CDH20: variants seen among roughly 807,000 people sequenced by gnomAD.
CDH20 encodes cadherin-20.
CDH20 carries 29 observed loss-of-function variants against 74.2 expected under a neutral mutation model. That is an observed-to-expected ratio of 0.39 (90% CI 0.29 to 0.53). The LOEUF (loss-of-function observed/expected upper bound fraction) is 0.53, where lower values mean the gene tolerates loss of function less well. Among genes scored for constraint, CDH20 ranks in the 20% least tolerant of loss-of-function variants. The probability of loss-of-function intolerance (pLI) is 0.69; values close to 1 mark genes in which losing one functional copy is unlikely to be tolerated. For synonymous variants in CDH20, 469 were observed against 405.4 expected, an observed-to-expected ratio of 1.16 and a Z score of -1.88; for missense variants, 988 against 1,048.3, an observed-to-expected ratio of 0.94 and a Z score of 0.79.
At chr18:61,545,461 G>A (rs1329956207) in intron 10 of CDH20, among the ~76,000 whole-genome samples, 1 of 151,898 alleles carries the variant, frequency 6.6e-6, no homozygotes, top group East Asian at 1.9e-4. Context: ...AGAACCCTTT[G>A]CCAACTCTAA....
chr18:61,354,108 C>T (rs1910409930), intron 1 of CDH20, among the ~76,000 whole-genome samples: 1 of 151,970 alleles, frequency 6.6e-6, no homozygotes, highest in African/African-American at 2.4e-5. Context: ...TCTCATGAGC[C>T]ACATTTCCAG....
intron 6 of CDH20, among the ~76,000 whole-genome samples, chr18:61,524,051 A>G (rs1912302375): frequency 1.3e-5 from 2 of 151,920 alleles, no homozygotes; most frequent in African/African-American, 4.8e-5. Flanking sequence ...CCCAGGATTT[A>G]AAGTATAATA....
chr18:61,523,896 G>A (rs150706201), intron 6 of CDH20, among the ~76,000 whole-genome samples: 291 of 152,084 alleles, frequency 1.9e-3, no homozygotes, highest in Non-Finnish European at 3.1e-3. Context: ...GGAATATCAC[G>A]CACCAGGGCC....
intron 1 of CDH20, among the ~76,000 whole-genome samples, chr18:61,346,864 C>A (rs79532275): frequency 7.7e-4 from 117 of 152,134 alleles, no homozygotes; most frequent in African/African-American, 2.7e-3. Flanking sequence ...GAAGTCCAGG[C>A]GCCCAAGCTT....
At chr18:61,432,244 CAA>C (rs552208549) in intron 1 of CDH20, among the ~76,000 whole-genome samples, 851 of 81,726 alleles carry the variant, frequency 0.01, 5 homozygotes, top group African/African-American at 0.033. Flanking sequence ...AACTCTATCT[CAA>C]AAAAAAAAAA....
intron 1 of CDH20, among the ~76,000 whole-genome samples, chr18:61,437,909 T>C (rs966278363): frequency 2.6e-5 from 4 of 152,176 alleles, no homozygotes; most frequent in Non-Finnish European, 5.9e-5. Context: ...AAATGATTAA[T>C]ACAGGGAATC....
At chr18:61,428,924 A>C (rs902378221) in intron 1 of CDH20, among the ~76,000 whole-genome samples, 6 of 152,180 alleles carry the variant, frequency 3.9e-5, no homozygotes, top group Non-Finnish European at 7.3e-5. Context: ...CCAAGGCTCA[A>C]CCATATGCCT....
intron 1 of CDH20, among the ~76,000 whole-genome samples, chr18:61,372,157 A>G (rs530739114): frequency 1.2e-4 from 18 of 152,190 alleles, no homozygotes; most frequent in Non-Finnish European, 2.5e-4. Context: ...ATGCATTTTC[A>G]AATTTGAAAT....
intron 7 of CDH20, among the ~76,000 whole-genome samples, chr18:61,529,868 A>G (rs1912576743): frequency 6.6e-6 from 1 of 152,160 alleles, no homozygotes; most frequent in Non-Finnish European, 1.5e-5. Context: ...ATTGAAAACT[A>G]TCAGTTGGCC....
At chr18:61,358,798 A>AT in intron 1 of CDH20, among the ~76,000 whole-genome samples, 1 of 152,158 alleles carries the variant, frequency 6.6e-6, no homozygotes, top group African/African-American at 2.4e-5. Flanking sequence ...TATAAGCATG[A>AT]TTTTTTTGGT....
chr18:61,464,011 T>C (rs1269168606), intron 1 of CDH20, among the ~76,000 whole-genome samples: 2 of 152,194 alleles, frequency 1.3e-5, no homozygotes, highest in Admixed American at 6.5e-5. Context: ...GCACCCAGCA[T>C]GGAGCCCGGC....
intron 1 of CDH20, among the ~76,000 whole-genome samples, chr18:61,463,838 T>C (rs1909865617): frequency 6.6e-6 from 1 of 152,088 alleles, no homozygotes; most frequent in African/African-American, 2.4e-5. Context: ...ACCAAGGAGA[T>C]GTGACAGATG....
chr18:61,545,116 C>A lies in CDH20; in HGVS notation c.1620C>A (p.Asn540Lys), dbSNP rs1913194494. ...YYSLAPEAAN[N>K]PNFTIRDNQD... ...GCTTGGCTCCTGAGGCTGCTAACAA[C>A]CCCAACTTTACCATAAGGGACAACC... Residue 540 changes from asparagine to lysine, a missense_variant, in exon 10 of 12, where the codon AAC (asparagine) becomes AAA (lysine). By Grantham distance (94) the Asn-to-Lys change is moderately conservative (BLOSUM62 0). Around this residue, in one of 2 missense-constraint regions of CDH20, gnomAD observed 613 missense variants for 755.2 expected, o/e 0.81. Transcript: ENST00000262717. The A allele has an allele frequency of 6.2e-7, 1 of 1,613,078 alleles. No individual in the cohort carries two copies. The highest frequency in any genetic ancestry group is 1.3e-5 in the African/African-American group (1 of 74,888).
At chr18:61,539,272 T>A in intron 9 of CDH20, 127 bp downstream of exon 9, 1 of 900,376 alleles carries the variant, frequency 1.1e-6, no homozygotes, top group Non-Finnish European at 1.7e-6. Flanking sequence ...ACAGAGTCCC[T>A]AATTCCCGTA....
intron 1 of CDH20, among the ~76,000 whole-genome samples, chr18:61,446,091 C>G (rs1029848918): frequency 9.2e-5 from 14 of 152,190 alleles, no homozygotes; most frequent in African/African-American, 3.1e-4. Flanking sequence ...TCAGAACCCA[C>G]ACAGCATCAT....
chr18:61,519,541 A>G (rs1367125077), intron 6 of CDH20, among the ~76,000 whole-genome samples: 1 of 151,252 alleles, frequency 6.6e-6, no homozygotes, highest in African/African-American at 2.5e-5. Context: ...AGTGAAGGAG[A>G]AATAAAATCC....
intron 1 of CDH20, among the ~76,000 whole-genome samples, chr18:61,411,190 T>C (rs1159841538): frequency 2.5e-5 from 2 of 79,784 alleles, no homozygotes; most frequent in Non-Finnish European, 5.0e-5. Context: ...AGAGCAAGAC[T>C]CTGTCTGAAA....
intron 1 of CDH20, among the ~76,000 whole-genome samples, chr18:61,472,744 T>C (rs1232882969): frequency 2.6e-5 from 4 of 152,212 alleles, no homozygotes; most frequent in Non-Finnish European, 5.9e-5. Context: ...CTGTTAATTG[T>C]AGTCACTAGT....
intron 1 of CDH20, among the ~76,000 whole-genome samples, chr18:61,477,680 A>T (rs1568155851): frequency 6.6e-6 from 1 of 151,856 alleles, no homozygotes; most frequent in African/African-American, 2.4e-5. Context: ...ATTAAAATAT[A>T]TATTATAATT....
Sources: allele counts gnomAD v4.1 joint callset (sites outside exome capture counted in the v4.1 genomes callset), GRCh38; gene constraint gnomAD v4.1.1; regional missense constraint gnomAD v4.1.1; transcripts MANE v1.5; gene names NCBI Gene and HGNC (gene_info 2026-07-23, HGNC 2026-07-21).